The following DLG2 variants were observed in gnomAD, a reference collection of about 807,000 sequenced individuals.
DLG2 encodes the protein discs large MAGUK scaffold protein 2.
A neutral mutation model predicts 132.5 loss-of-function variants in DLG2; 45 were observed. The ratio of observed to expected loss-of-function variants is 0.34; its 90% CI spans 0.27 to 0.44. The LOEUF is 0.44. Ranked by LOEUF, DLG2 falls within the 20% of genes least tolerant of loss-of-function variation. The pLI, the probability that DLG2 is intolerant of heterozygous loss-of-function variation, is 1.00. For missense variants in DLG2, 1,045 were observed against 1,196.9 expected (o/e 0.87, Z 1.87); for synonymous variants, 424 against 419.6 (o/e 1.01, Z -0.13).
chr11:84,507,790 T>G (rs1367192962), intron 7 of DLG2, among the ~76,000 whole-genome samples: 1 of 152,226 alleles, frequency 6.6e-6, no homozygotes, highest in Non-Finnish European at 1.5e-5. Flanking sequence ...CTTGCATATG[T>G]TGAACCAGCC....
intron 6 of DLG2, among the ~76,000 whole-genome samples, chr11:84,603,729 G>T (rs1051592196): frequency 2.0e-5 from 3 of 151,670 alleles, no homozygotes; most frequent in Non-Finnish European, 2.9e-5. Flanking sequence ...TCATGTATTG[G>T]TTTATGACAA....
At chr11:84,482,854 G>A (rs1477327319) in intron 7 of DLG2, among the ~76,000 whole-genome samples, 1 of 152,128 alleles carries the variant, frequency 6.6e-6, no homozygotes, top group Non-Finnish European at 1.5e-5. Context: ...AAGATGAATG[G>A]AATGAATGAA....
In DLG2 at chr11:85,330,790, A is replaced by AAT. The variant is rs1491543162; in HGVS notation, c.41-45426_41-45425insAT. Among the ~76,000 whole-genome samples the AAT allele has an allele frequency of 9.8e-4, 98 of 99,774 alleles. 1 individual carries two copies. Among genetic ancestry groups the AAT allele is most frequent in the South Asian group, 9.2e-3 (27 of 2,924 alleles). 65.5% of individuals were successfully genotyped at this position (99,774 alleles called of 152,430 possible). Reference sequence around the variant, plus strand: ...CTTAGAGTATAATAAAAAAAAAAAAATTAAAAAAAAAAAAAAAAAAAAGAA... The same window carrying AAT: ...CTTAGAGTATAATAAAAAAAAAAAAAATTTAAAAAAAAAAAAAAAAAAAAGAA... On this transcript the variant is annotated intron_variant, in intron 3 of 27. Coordinates refer to ENST00000376104, the MANE Select transcript of DLG2 (RefSeq NM_001142699.3).
At chr11:84,870,650 C>T (rs1207755938) in intron 6 of DLG2, among the ~76,000 whole-genome samples, 4 of 152,120 alleles carry the variant, frequency 2.6e-5, no homozygotes, top group Admixed American at 2.6e-4. Flanking sequence ...TGTCTTCCTG[C>T]CTATTTACAT....
At chr11:83,548,576 A>C (rs1484194307) in intron 19 of DLG2, among the ~76,000 whole-genome samples, 1 of 151,936 alleles carries the variant, frequency 6.6e-6, no homozygotes, top group East Asian at 1.9e-4. Flanking sequence ...CAACAACAAC[A>C]ACAACCCACT....
At chr11:83,805,398 T>C (rs1594705509) in intron 17 of DLG2, among the ~76,000 whole-genome samples, 1 of 151,998 alleles carries the variant, frequency 6.6e-6, no homozygotes, top group Non-Finnish European at 1.5e-5. Context: ...GGATTTATTT[T>C]TGATATATCA....
At chr11:84,341,341 T>C (rs941822962) in intron 7 of DLG2, among the ~76,000 whole-genome samples, 1 of 152,134 alleles carries the variant, frequency 6.6e-6, no homozygotes, top group African/African-American at 2.4e-5. Flanking sequence ...AAATTCATAT[T>C]GCCTTAACTA....
intron 11 of DLG2, among the ~76,000 whole-genome samples, chr11:84,032,466 T>A (rs1410331709): frequency 6.6e-6 from 1 of 152,132 alleles, no homozygotes; most frequent in East Asian, 1.9e-4. Flanking sequence ...TTGTGAAGGC[T>A]GAAAGAGGTG....
intron 6 of DLG2, among the ~76,000 whole-genome samples, chr11:84,806,217 G>C (rs2075981530): frequency 6.6e-6 from 1 of 151,980 alleles, no homozygotes; most frequent in Non-Finnish European, 1.5e-5. Flanking sequence ...GTGTCATCAG[G>C]GTTCCAGAAT....
intron 4 of DLG2, among the ~76,000 whole-genome samples, chr11:85,260,576 A>G (rs571208384): frequency 6.6e-6 from 1 of 152,308 alleles, no homozygotes; most frequent in East Asian, 1.9e-4. Context: ...AATAACACCT[A>G]TTAAAATCCT....
chr11:84,628,619 T>C (rs1351633069), intron 6 of DLG2, among the ~76,000 whole-genome samples: 2 of 152,236 alleles, frequency 1.3e-5, no homozygotes, highest in African/African-American at 2.4e-5. Flanking sequence ...GACCTCCACC[T>C]GGATATACTT....
Position 84,397,595 on chromosome 11 carries a change from T to C in DLG2, c.519+136975A>G, listed in dbSNP as rs567381815. Among the ~76,000 whole-genome samples, 3 of 152,308 alleles carry C rather than the reference T, an allele frequency of 2.0e-5. No homozygotes were observed. The South Asian group carries it at 6.2e-4, about 32-fold the overall frequency. Reference sequence around the variant, plus strand: ...AGAAGTCAACTGATGAAAGTGGTAGTGACAAAAATGGAAGGAGCAGAGGTT... The same window carrying C: ...AGAAGTCAACTGATGAAAGTGGTAGCGACAAAAATGGAAGGAGCAGAGGTT... On this transcript the variant is annotated intron_variant, in intron 7 of 27. Coordinates refer to ENST00000376104, the MANE Select transcript of DLG2 (RefSeq NM_001142699.3).
At chr11:84,819,281 T>C (rs1006186699) in intron 6 of DLG2, among the ~76,000 whole-genome samples, 3 of 151,952 alleles carry the variant, frequency 2.0e-5, no homozygotes, top group Non-Finnish European at 4.4e-5. Flanking sequence ...TGCTTCTTCC[T>C]GTGTCAAAAC....
At chr11:84,132,152 C>T (rs2094445609) in intron 9 of DLG2, among the ~76,000 whole-genome samples, 2 of 151,654 alleles carry the variant, frequency 1.3e-5, no homozygotes, top group South Asian at 4.2e-4. Flanking sequence ...GTTTTTTGTT[C>T]TGGCTTTAGC....
At chr11:84,945,718 G>C (rs745982958) in intron 6 of DLG2, among the ~76,000 whole-genome samples, 1 of 152,112 alleles carries the variant, frequency 6.6e-6, no homozygotes, top group Non-Finnish European at 1.5e-5. Context: ...TGCTGCCTGT[G>C]GTTGAGAAAG....
intron 7 of DLG2, among the ~76,000 whole-genome samples, chr11:84,415,583 T>A (rs1352266717): frequency 6.6e-6 from 1 of 152,202 alleles, no homozygotes; most frequent in Non-Finnish European, 1.5e-5. Flanking sequence ...ATGCATATTG[T>A]CATAATTCTA....
At chr11:85,146,303 C>A (rs933605496) in intron 5 of DLG2, among the ~76,000 whole-genome samples, 1 of 151,450 alleles carries the variant, frequency 6.6e-6, no homozygotes, top group Non-Finnish European at 1.5e-5. Context: ...GGCACAAGCA[C>A]TCCCAAAGCT....
intron 7 of DLG2, among the ~76,000 whole-genome samples, chr11:84,368,985 T>G (rs902323445): frequency 2.6e-5 from 4 of 152,120 alleles, no homozygotes; most frequent in African/African-American, 9.6e-5. Flanking sequence ...AGTTAATTAC[T>G]TCTCCACATG....
intron 14 of DLG2, among the ~76,000 whole-genome samples, chr11:83,940,830 G>C (rs2082487414): frequency 1.3e-5 from 2 of 152,216 alleles, no homozygotes; most frequent in African/African-American, 4.8e-5. Flanking sequence ...CCCAGGAATA[G>C]TGCTTGGGTC....
Sources: allele counts gnomAD v4.1 joint callset (sites outside exome capture counted in the v4.1 genomes callset), GRCh38; gene constraint gnomAD v4.1.1; transcripts MANE v1.5; gene names NCBI Gene and HGNC (gene_info 2026-07-23, HGNC 2026-07-21).